The following DNAAF4 variants were observed in gnomAD, a reference collection of about 807,000 sequenced individuals.
The protein encoded by DNAAF4 is dynein assembly factor 4, axonemal.
Under a neutral mutation model 51.8 loss-of-function variants are expected in DNAAF4, and 43 were observed. The ratio of observed to expected loss-of-function variants is 0.83; its 90% confidence interval spans 0.65 to 1.07. The LOEUF (loss-of-function observed/expected upper bound fraction) is 1.07, where lower values mean the gene tolerates loss of function less well. DNAAF4 is among the 50% of genes least tolerant of loss of function. The pLI, the probability that DNAAF4 is intolerant of heterozygous loss-of-function variation, is 0.00. For synonymous variants in DNAAF4, 194 were observed against 165.6 expected (o/e 1.17, Z -1.32); for missense variants, 581 against 493.0 (o/e 1.18, Z -1.69).
intron 1 of DNAAF4, among the ~76,000 whole-genome samples, chr15:55,500,231 C>T (rs1309067570): frequency 1.3e-5 from 2 of 152,042 alleles, no homozygotes; most frequent in African/African-American, 4.8e-5. Context: ...ATCTTTTCCC[C>T]AAAATAGGGC....
rs183607439 is a variant in DNAAF4, at chr15:55,479,904, G to C, written c.405+11219C>G. 3.7e-3 allele frequency among the ~76,000 whole-genome samples: 560 copies of C among 152,216 alleles called. 2 individuals carry two copies. The highest frequency in any genetic ancestry group is 5.8e-3 in the Non-Finnish European group (397 of 68,018). On this transcript the variant is annotated intron_variant, in intron 4 of 9. Transcript: ENST00000321149. The stretch of plus-strand genomic sequence containing the variant: ...TCTCTACTCTTGAATCCTGTGTTCT[G>C]TTGTTTAAGATGTTTATCAAGATAA...
At chr15:55,443,573 G>A (rs184823563) in intron 6 of DNAAF4, among the ~76,000 whole-genome samples, 49 of 152,368 alleles carry the variant, frequency 3.2e-4, no homozygotes, top group African/African-American at 1.1e-3. Flanking sequence ...GTAATGGGAT[G>A]GCTGGGTCAA....
At chr15:55,456,781 T>G (rs886133378) in intron 5 of DNAAF4, among the ~76,000 whole-genome samples, 1 of 152,172 alleles carries the variant, frequency 6.6e-6, no homozygotes, top group Non-Finnish European at 1.5e-5. Context: ...GGATTTAACT[T>G]TACCCTGAGC....
chr15:55,497,618 C>T (rs2058657994), intron 3 of DNAAF4, 94 bp downstream of exon 3: 19 of 1,423,004 alleles, frequency 1.3e-5, no homozygotes, highest in South Asian at 1.2e-4. Flanking sequence ...TCTATCTTCC[C>T]CTACACAATA....
At chr15:55,443,516 A>C (rs576833041) in intron 6 of DNAAF4, among the ~76,000 whole-genome samples, 1 of 152,338 alleles carries the variant, frequency 6.6e-6, no homozygotes, top group African/African-American at 2.4e-5. Flanking sequence ...ATACATGTGC[A>C]TGTGTCTTTA....
rs189821525 is a variant in DNAAF4 at position 55,506,717 on chromosome 15, T to C, written c.-256+1405A>G. Among the ~76,000 whole-genome samples the C allele has an allele frequency of 1.1e-3, 160 of 152,276 alleles. 1 individual carries two copies. The highest frequency in any genetic ancestry group is 3.7e-3 in the African/African-American group (153 of 41,550). On this transcript the variant is annotated intron_variant, in intron 1 of 9. Transcript: ENST00000321149. Reference sequence around the variant, plus strand: ...AGCCAAATGTCTTTCAACAGGTATATACACAAAACAGAATATTATACAACA... The same window carrying C: ...AGCCAAATGTCTTTCAACAGGTATACACACAAAACAGAATATTATACAACA...
At chr15:55,501,155 C>T (rs1042708075) in intron 1 of DNAAF4, among the ~76,000 whole-genome samples, 2 of 150,424 alleles carry the variant, frequency 1.3e-5, no homozygotes, top group African/African-American at 4.9e-5. Context: ...CCTCCACCTC[C>T]GGGGTTCAAG....
intron 4 of DNAAF4, among the ~76,000 whole-genome samples, chr15:55,473,460 T>C (rs1242369484): frequency 6.6e-6 from 1 of 150,490 alleles, no homozygotes; most frequent in African/African-American, 2.4e-5. Context: ...TAGGAAAATA[T>C]TAAAATTATA....
intron 4 of DNAAF4, among the ~76,000 whole-genome samples, chr15:55,486,824 C>T (rs1317577999): frequency 2.0e-5 from 3 of 151,764 alleles, no homozygotes; most frequent in African/African-American, 7.3e-5. Flanking sequence ...GATAAAATAT[C>T]CCCATATCAC....
At chr15:55,457,335 G>A (rs1032307849) in intron 5 of DNAAF4, among the ~76,000 whole-genome samples, 9 of 151,962 alleles carry the variant, frequency 5.9e-5, no homozygotes, top group African/African-American at 2.2e-4. Flanking sequence ...CAGCCATAAT[G>A]CCCCTGGGAA....
At chr15:55,457,928 G>C (rs953274684) in intron 5 of DNAAF4, among the ~76,000 whole-genome samples, 1 of 152,144 alleles carries the variant, frequency 6.6e-6, no homozygotes, top group Admixed American at 6.6e-5. Context: ...GCTAGAAATA[G>C]AAGGGCAATA....
At position 55,431,669 on chromosome 15, in the gene DNAAF4, G is replaced by A. The variant is rs376600446; in HGVS notation, c.1153+828C>T. Reference sequence around the variant, plus strand: ...TTGTTTTTGTATTTTTAGTAGAGACGGGGTTTCACCGTGTTAGCCCGGATG... The same window carrying A: ...TTGTTTTTGTATTTTTAGTAGAGACAGGGTTTCACCGTGTTAGCCCGGATG... On this transcript the variant is annotated intron_variant, in intron 9 of 9. Coordinates refer to ENST00000321149, the MANE Select transcript of DNAAF4 (RefSeq NM_130810.4). Among the ~76,000 whole-genome samples the A allele has an allele frequency of 1.3e-4, 20 of 151,934 alleles. No individual in the cohort carries two copies. In the East Asian group the frequency reaches 2.9e-3, roughly 22 times the overall value.
chr15:55,507,416 T>G (rs2058732612), intron 1 of DNAAF4, among the ~76,000 whole-genome samples: 1 of 152,172 alleles, frequency 6.6e-6, no homozygotes, highest in Non-Finnish European at 1.5e-5. Context: ...TAAGGTGTAA[T>G]AAAGTGTCTA....
At chr15:55,459,475 T>C (rs1055056755) in intron 5 of DNAAF4, among the ~76,000 whole-genome samples, 1 of 152,024 alleles carries the variant, frequency 6.6e-6, no homozygotes, top group Non-Finnish European at 1.5e-5. Context: ...ACAACTAGCA[T>C]GATGAATAGA....
chr15:55,430,675 A>C lies in DNAAF4; in HGVS notation c.1258T>G (p.Ser420Ala). The C allele has an allele frequency of 1.2e-6, 2 of 1,611,808 alleles. No homozygotes were observed. Among genetic ancestry groups the C allele is most frequent in the Non-Finnish European group, 1.7e-6 (2 of 1,179,040 alleles). ...TTAGTTACTTCTAATAGTCATTAAG[A>C]TTTTAGTTCTGTTCCTTGAATTACA... ...RNVIQGTELK[S>A] Residue 420 changes from serine to alanine, a missense_variant, in exon 10 of 10, where the codon TCT (serine) becomes GCT (alanine). Ser to Ala is a moderately conservative substitution (Grantham distance 99). Transcript: ENST00000321149.
intron 4 of DNAAF4, among the ~76,000 whole-genome samples, chr15:55,489,674 CAAAAAA>C (rs756823133): frequency 8.5e-4 from 69 of 80,838 alleles, no homozygotes; most frequent in African/African-American, 2.4e-3. Context: ...GACACCATTT[CAAAAAA>C]AAAAAAAAAA....
chr15:55,438,747 T>TACA (rs1374695905), intron 7 of DNAAF4, among the ~76,000 whole-genome samples: 2 of 144,172 alleles, frequency 1.4e-5, no homozygotes, highest in Non-Finnish European at 3.0e-5. Context: ...ATTGCACCAC[T>TACA]ACACTCCAGC....
At chr15:55,485,643 A>T (rs2058476501) in intron 4 of DNAAF4, among the ~76,000 whole-genome samples, 1 of 149,670 alleles carries the variant, frequency 6.7e-6, no homozygotes, top group East Asian at 1.9e-4. Flanking sequence ...AAGAAATGAT[A>T]AAAAAAAAAT....
At chr15:55,446,409 T>A (rs1191223978) in intron 6 of DNAAF4, among the ~76,000 whole-genome samples, 174 of 43,306 alleles carry the variant, frequency 4.0e-3, no homozygotes, top group Middle Eastern at 0.015. Context: ...CGCTCCTCAC[T>A]TCCCAGACGG....
Sources: allele counts gnomAD v4.1 joint callset (sites outside exome capture counted in the v4.1 genomes callset), GRCh38; gene constraint gnomAD v4.1.1; transcripts MANE v1.5; gene names NCBI Gene and HGNC (gene_info 2026-07-23, HGNC 2026-07-21).